Variants in CCDC7 observed in about 807,000 individuals in gnomAD.
CCDC7 encodes the protein coiled-coil domain containing 7.
CCDC7 carries 183 observed loss-of-function variants against 196.9 expected under a neutral mutation model. That is an observed-to-expected ratio of 0.93 (90% CI 0.82 to 1.05). CCDC7 has a LOEUF of 1.05. CCDC7 is among the 50% of genes least tolerant of loss of function. The pLI, the probability that CCDC7 is intolerant of heterozygous loss-of-function variation, is 0.00. For missense variants in CCDC7, 1,540 were observed against 1,482.2 expected, an observed-to-expected ratio of 1.04 and a Z score of -0.64; for synonymous variants, 525 against 484.6, an observed-to-expected ratio of 1.08 and a Z score of -1.10.
intron 33 of CCDC7, among the ~76,000 whole-genome samples, chr10:32,841,769 A>G (rs914116569): frequency 2.0e-5 from 3 of 152,010 alleles, no homozygotes; most frequent in African/African-American, 4.8e-5. Flanking sequence ...ACATAGACCA[A>G]TGGAACAGAA....
chr10:32,459,066 G>A (rs1403219887), intron 3 of CCDC7, among the ~76,000 whole-genome samples: 23 of 151,902 alleles, frequency 1.5e-4, no homozygotes, highest in Non-Finnish European at 1.3e-4. Flanking sequence ...TTATAAATGG[G>A]ATTGGTCTCT....
chr10:32,606,223 G>A (rs1330212887), intron 18 of CCDC7, among the ~76,000 whole-genome samples: 3 of 152,202 alleles, frequency 2.0e-5, no homozygotes, highest in African/African-American at 7.2e-5. Context: ...AAGTACAAGA[G>A]TAAAGGAGGC....
intron 28 of CCDC7, among the ~76,000 whole-genome samples, chr10:32,757,792 C>CA (rs1336862765): frequency 2.6e-5 from 4 of 152,212 alleles, no homozygotes; most frequent in East Asian, 1.9e-4. Flanking sequence ...AAAAACCCTT[C>CA]AAAAAATCAA....
intron 30 of CCDC7, among the ~76,000 whole-genome samples, chr10:32,807,329 C>T (rs2086044543): frequency 6.6e-6 from 1 of 151,658 alleles, no homozygotes; most frequent in Non-Finnish European, 1.5e-5. Context: ...AAAATATAGA[C>T]ATGTAGTATA....
At chr10:32,721,098 GAAA>G (rs372611497) in intron 25 of CCDC7, among the ~76,000 whole-genome samples, 3 of 145,046 alleles carry the variant, frequency 2.1e-5, no homozygotes, top group Admixed American at 6.9e-5. Context: ...GTCTCCAAAA[GAAA>G]AAAAAAAGAT....
chr10:32,636,465 G>T (rs1033713256), intron 20 of CCDC7, among the ~76,000 whole-genome samples: 1 of 152,086 alleles, frequency 6.6e-6, no homozygotes, highest in Non-Finnish European at 1.5e-5. Context: ...ACCTATGAGT[G>T]AGAACATGCG....
intron 31 of CCDC7, among the ~76,000 whole-genome samples, chr10:32,817,609 G>A (rs1285104578): frequency 1.1e-3 from 157 of 142,706 alleles, no homozygotes; most frequent in African/African-American, 3.9e-3. Context: ...TACCCACAAA[G>A]GGAAGCCCAT....
intron 11 of CCDC7, among the ~76,000 whole-genome samples, chr10:32,538,691 GAA>G (rs1211928663): frequency 6.6e-6 from 1 of 152,166 alleles, no homozygotes; most frequent in Non-Finnish European, 1.5e-5. Context: ...TTTTTAACAT[GAA>G]GAGAGTTGAA....
At chr10:32,626,263 C>T (rs1343451016) in intron 18 of CCDC7, among the ~76,000 whole-genome samples, 2 of 151,882 alleles carry the variant, frequency 1.3e-5, no homozygotes, top group African/African-American at 2.4e-5. Context: ...ACATTCTGAC[C>T]GATGTGAGGT....
chr10:32,667,978 A>G (rs1461685321), intron 21 of CCDC7, among the ~76,000 whole-genome samples: 1 of 151,798 alleles, frequency 6.6e-6, no homozygotes, highest in Non-Finnish European at 1.5e-5. Flanking sequence ...CATTTTCACG[A>G]TATTGATTCT....
chr10:32,771,647 A>T (rs189389357), intron 28 of CCDC7, among the ~76,000 whole-genome samples: 1 of 152,266 alleles, frequency 6.6e-6, no homozygotes, highest in East Asian at 1.9e-4. Flanking sequence ...CAAGTTTTCC[A>T]GTAGTGGGTA....
chr10:32,729,029 T>C lies in CCDC7; in HGVS notation c.2779+32T>C, dbSNP rs201819030. The C allele has an allele frequency of 5.0e-6, 7 of 1,391,100 alleles. No homozygotes were observed. In the African/African-American group the frequency reaches 5.7e-5, roughly 11 times the overall value. The allele number at this position is 1,391,100 out of a possible 1,614,324, so 86.2% of individuals were successfully genotyped here. ...ATAATAATTATCGATAACTTTAAAT[T>C]ATTTTATGTTGAACTCATCAGATCT... On this transcript the variant is annotated intron_variant, in intron 27 of 41. Coordinates refer to ENST00000639629, the Ensembl canonical transcript of CCDC7.
At chr10:32,663,762 A>G (rs2072025397) in intron 20 of CCDC7, among the ~76,000 whole-genome samples, 1 of 151,928 alleles carries the variant, frequency 6.6e-6, no homozygotes, top group Non-Finnish European at 1.5e-5. Context: ...ATGAATTTTC[A>G]TTGCTTTGCC....
chr10:32,558,868 T>C (rs1406204296), intron 13 of CCDC7, among the ~76,000 whole-genome samples: 1 of 152,234 alleles, frequency 6.6e-6, no homozygotes, highest in East Asian at 1.9e-4. Context: ...GGCGAGGCAT[T>C]GCCTCACTCG....
At chr10:32,446,507 G>C (rs1400190775) in intron 1 of CCDC7, 110 bp downstream of exon 1, 1 of 152,182 alleles carries the variant, frequency 6.6e-6, no homozygotes, top group Non-Finnish European at 1.5e-5. Flanking sequence ...CCTCCGTGGC[G>C]GTTGTGCTGC....
chr10:32,536,913 G>C (rs1170330354), intron 11 of CCDC7, among the ~76,000 whole-genome samples: 2 of 152,136 alleles, frequency 1.3e-5, no homozygotes, highest in Non-Finnish European at 2.9e-5. Flanking sequence ...TGGGCATTTA[G>C]GTTGACTCCC....
intron 28 of CCDC7, among the ~76,000 whole-genome samples, chr10:32,757,849 A>C (rs1418656647): frequency 1.3e-5 from 2 of 152,240 alleles, no homozygotes; most frequent in Non-Finnish European, 2.9e-5. Context: ...AAATTGATAG[A>C]CCACTAGCAA....
chr10:32,756,487 A>T (rs1470504587), intron 28 of CCDC7, among the ~76,000 whole-genome samples: 1 of 152,222 alleles, frequency 6.6e-6, no homozygotes, highest in Non-Finnish European at 1.5e-5. Flanking sequence ...CCAGAATTTC[A>T]TATCCAGCCA....
intron 18 of CCDC7, among the ~76,000 whole-genome samples, chr10:32,592,874 T>C (rs377338338): frequency 6.6e-6 from 1 of 152,356 alleles, no homozygotes; most frequent in East Asian, 1.9e-4. Context: ...ATAAAGGACA[T>C]GAACTCATCC....
Sources: gnomAD v4.1 joint callset for allele counts (sites outside exome capture counted in the v4.1 genomes callset) on GRCh38, gnomAD v4.1.1 for gene constraint, MANE v1.5 for transcripts, NCBI Gene and HGNC (gene_info 2026-07-23, HGNC 2026-07-21) for gene names.